The following IWS1 variants were observed in gnomAD, a reference collection of about 807,000 sequenced individuals.
IWS1 encodes protein IWS1 homolog.
A neutral mutation model predicts 86.7 loss-of-function variants in IWS1; 27 were observed. The ratio of observed to expected loss-of-function variants is 0.31; its 90% CI spans 0.23 to 0.43. IWS1 has a LOEUF of 0.43. Ranked by LOEUF, IWS1 falls within the 20% of genes least tolerant of loss-of-function variation. The pLI, the probability that IWS1 is intolerant of heterozygous loss-of-function variation, is 1.00. For missense variants in IWS1, 827 were observed against 1,000.8 expected (o/e 0.83, Z 2.34); for synonymous variants, 313 against 335.1 (o/e 0.93, Z 0.72).
rs1690755788 is a variant in IWS1 at position 127,500,729 on chromosome 2, CA to C, written c.1467+2085del. Among the ~76,000 whole-genome samples, 2 of 152,138 alleles carry C rather than the reference CA, an allele frequency of 1.3e-5. 1 individual carries two copies. Among genetic ancestry groups the C allele is most frequent in the South Asian group, 4.1e-4 (2 of 4,830 alleles). ...CATTTAATTTAATTTCTGATATTAT[CA>C]AAATTTAAATCTACTATTTTACCAT... On this transcript the variant is annotated intron_variant, in intron 5 of 13. Transcript: ENST00000295321.
In IWS1 at chr2:127,513,557, CAG is replaced by C. The variant is rs1465926416; in HGVS notation, c.151-7807_151-7806del. On this transcript the variant is annotated intron_variant, in intron 2 of 13. Coordinates refer to ENST00000295321, the MANE Select transcript of IWS1 (RefSeq NM_017969.3). ...TAGTAAGGGAATATAAAGATAAAAA[CAG>C]AAAAAAAAACAGCTAGTAAAGAAAG... Among the ~76,000 whole-genome samples the C allele has an allele frequency of 2.0e-5, 3 of 150,894 alleles. No individual in the cohort carries two copies. The South Asian group carries it at 6.3e-4, about 31-fold the overall frequency.
intron 2 of IWS1, among the ~76,000 whole-genome samples, chr2:127,515,785 G>T (rs1365238550): frequency 6.6e-6 from 1 of 152,152 alleles, no homozygotes; most frequent in Admixed American, 6.5e-5. Context: ...ACAATTCAGT[G>T]AGGCTGACTC....
At chr2:127,518,032 A>G (rs1354720058) in intron 2 of IWS1, among the ~76,000 whole-genome samples, 1 of 152,222 alleles carries the variant, frequency 6.6e-6, no homozygotes, top group Non-Finnish European at 1.5e-5. Context: ...CAGAAAGTAT[A>G]TCAGTGGTTG....
At chr2:127,510,713 CTGGCCTCAAGTGATCCTTCCGCCT>C (rs1558763202) in intron 2 of IWS1, among the ~76,000 whole-genome samples, 1 of 151,952 alleles carries the variant, frequency 6.6e-6, no homozygotes, top group Non-Finnish European at 1.5e-5. Flanking sequence ...TCTCAAATGC[CTGGCCTCAAGTGATCCTTCCGCCT>C]TGGCCTCCCA....
At chr2:127,492,729 C>T (rs911760495) in intron 9 of IWS1, 1 of 152,628 alleles carries the variant, frequency 6.6e-6, no homozygotes, top group African/African-American at 2.4e-5. Context: ...CACCTTCTAG[C>T]TATGTGACCT....
chr2:127,513,256 C>CAA (rs57277209), intron 2 of IWS1, among the ~76,000 whole-genome samples: 3 of 151,268 alleles, frequency 2.0e-5, no homozygotes, highest in East Asian at 1.9e-4. Context: ...AAATAAAAAA[C>CAA]AAAAAAAAGG....
chr2:127,516,891 C>T (rs200803308), intron 2 of IWS1, among the ~76,000 whole-genome samples: 2 of 114,030 alleles, frequency 1.8e-5, no homozygotes, highest in East Asian at 5.8e-4. Flanking sequence ...CTAAAACAAA[C>T]CCTGACAAAT....
rs536304780 is a variant in IWS1, at chr2:127,516,790, T to C, written c.150+6886A>G. Reference sequence around the variant, plus strand: ...TCCAACCTAGGCAACAGAAGAGACCTTTTTTAAAAACAAAACAAAACCTTT... The same window carrying C: ...TCCAACCTAGGCAACAGAAGAGACCCTTTTTAAAAACAAAACAAAACCTTT... On this transcript the variant is annotated intron_variant, in intron 2 of 13. Transcript: ENST00000295321. Among the ~76,000 whole-genome samples the C allele has an allele frequency of 1.2e-4, 19 of 152,296 alleles. No individual in the cohort carries two copies. In the South Asian group the frequency reaches 3.5e-3, roughly 28 times the overall value.
intron 10 of IWS1, among the ~76,000 whole-genome samples, chr2:127,491,139 A>T (rs1183032722): frequency 6.6e-6 from 1 of 152,238 alleles, no homozygotes; most frequent in Non-Finnish European, 1.5e-5. Context: ...AAATAAGAAC[A>T]TGCAAAAAGG....
intron 12 of IWS1, among the ~76,000 whole-genome samples, chr2:127,488,698 G>A (rs1478740969): frequency 1.3e-5 from 2 of 152,150 alleles, no homozygotes; most frequent in Non-Finnish European, 2.9e-5. Context: ...ATCACAAGAC[G>A]TGAAAATTCC....
At chr2:127,513,362 T>C (rs563180968) in intron 2 of IWS1, among the ~76,000 whole-genome samples, 1 of 152,358 alleles carries the variant, frequency 6.6e-6, no homozygotes, top group African/African-American at 2.4e-5. Context: ...ACGGGGTAAT[T>C]GGGAATACAA....
At chr2:127,498,268 A>G in intron 5 of IWS1, 31 bp from the exon 6 acceptor site, 1 of 1,596,648 alleles carries the variant, frequency 6.3e-7, no homozygotes. Flanking sequence ...ACCTCCTTAC[A>G]GATTTTCTTC....
In IWS1 at chr2:127,502,880, G is replaced by A; in HGVS notation, c.1410-8C>T. 6.8e-7 allele frequency: 1 copy of A among 1,475,858 alleles called. No homozygotes were observed. Among genetic ancestry groups the A allele is most frequent in the Non-Finnish European group, 9.4e-7 (1 of 1,061,778 alleles). The allele number at this position is 1,475,858 out of a possible 1,614,324, so 91.4% of individuals were successfully genotyped here. ...ATGTCTGCAATAAGATTTCTAGAAA[G>A]TAGACAAATGTAAAAACATTCATTT... On this transcript the variant is annotated splice_region_variant and splice_polypyrimidine_tract_variant and intron_variant, in intron 4 of 13. Transcript: ENST00000295321.
At chr2:127,487,699 C>T (rs1251395342) in intron 12 of IWS1, among the ~76,000 whole-genome samples, 1 of 152,074 alleles carries the variant, frequency 6.6e-6, no homozygotes, top group African/African-American at 2.4e-5. Flanking sequence ...TACAGGCGCC[C>T]GCCACCACGT....
intron 2 of IWS1, among the ~76,000 whole-genome samples, chr2:127,511,844 A>G (rs1024836338): frequency 1.3e-5 from 2 of 152,250 alleles, no homozygotes; most frequent in African/African-American, 4.8e-5. Context: ...AATAAGAAAT[A>G]GGACAGCAAT....
intron 5 of IWS1, 127 bp downstream of exon 5, chr2:127,502,688 A>T: frequency 4.0e-6 from 2 of 495,498 alleles, no homozygotes; most frequent in Non-Finnish European, 7.3e-6. Context: ...CCTCTTCTAG[A>T]TTTTTATCTT....
intron 4 of IWS1, 104 bp downstream of exon 4, chr2:127,503,283 C>T (rs932778233): frequency 1.3e-6 from 1 of 799,074 alleles, no homozygotes; most frequent in Non-Finnish European, 2.0e-6. Context: ...AATACTAAAT[C>T]CCCAAAGACA....
intron 12 of IWS1, among the ~76,000 whole-genome samples, chr2:127,488,372 G>C (rs768763843): frequency 6.6e-6 from 1 of 152,164 alleles, no homozygotes; most frequent in Non-Finnish European, 1.5e-5. Flanking sequence ...AAGAGAACTT[G>C]CCTGGTCCCT....
In IWS1 at chr2:127,517,607, A is replaced by C. The variant is rs112257161; in HGVS notation, c.150+6069T>G. On this transcript the variant is annotated intron_variant, in intron 2 of 13. Coordinates refer to ENST00000295321, the MANE Select transcript of IWS1 (RefSeq NM_017969.3). Reference sequence around the variant, plus strand: ...GACAAGAGTATGGAGAAATCAGAACACTTACACTCAGCTGGTATGAATGTA... The same window carrying C: ...GACAAGAGTATGGAGAAATCAGAACCCTTACACTCAGCTGGTATGAATGTA... Among the ~76,000 whole-genome samples the C allele has an allele frequency of 3.5e-3, 528 of 152,338 alleles. 4 individuals are homozygous for C. The highest frequency in any genetic ancestry group is 0.012 in the African/African-American group (490 of 41,574).
Sources: gnomAD v4.1 joint callset for allele counts (sites outside exome capture counted in the v4.1 genomes callset) on GRCh38, gnomAD v4.1.1 for gene constraint, MANE v1.5 for transcripts, NCBI Gene and HGNC (gene_info 2026-07-23, HGNC 2026-07-21) for gene names.